Variants in C21orf58 observed in about 807,000 individuals in gnomAD.
C21orf58 encodes the protein uncharacterized protein C21orf58.
A neutral mutation model predicts 35.8 loss-of-function variants in C21orf58; 34 were observed. The observed-to-expected ratio is 0.95, with a 90% CI of 0.72 to 1.26. The LOEUF (loss-of-function observed/expected upper bound fraction) is 1.26, where lower values mean the gene tolerates loss of function less well. Among genes scored for constraint, C21orf58 ranks in the 50% most tolerant of loss-of-function variants. The probability of loss-of-function intolerance (pLI) is 0.00; values close to 1 mark genes in which losing one functional copy is unlikely to be tolerated. For synonymous variants in C21orf58, 191 were observed against 175.8 expected (o/e 1.09, Z -0.68); for missense variants, 440 against 414.3 (o/e 1.06, Z -0.54).
intron 6 of C21orf58, 116 bp from the exon 7 acceptor site, chr21:46,302,692 G>A (rs1274155049): frequency 1.2e-5 from 10 of 834,552 alleles, no homozygotes; most frequent in South Asian, 3.3e-5. Flanking sequence ...GCAGGTCCCC[G>A]GGGCAGGCTC....
At chr21:46,305,867 G>C (rs1403350150) in intron 6 of C21orf58, among the ~76,000 whole-genome samples, 1 of 152,136 alleles carries the variant, frequency 6.6e-6, no homozygotes, top group South Asian at 2.1e-4. Context: ...GCGTGAACCT[G>C]GGGGGCAGAG....
chr21:46,321,176 A>AT (rs939967555), intron 1 of C21orf58, among the ~76,000 whole-genome samples: 1 of 151,768 alleles, frequency 6.6e-6, no homozygotes, highest in Non-Finnish European at 1.5e-5. Flanking sequence ...ATATATATAT[A>AT]TATTTTTTTT....
In C21orf58 at chr21:46,323,770, A is replaced by G. The variant is rs2146171967; in HGVS notation, c.-1032T>C. On this transcript the variant is annotated 5_prime_UTR_variant, in exon 1 of 8. Transcript: ENST00000291691. ...GGCCCTGTCCGGGTGGTTGCTGAGC[A>G]CCGTTCGGCGCCGCCCGCGCCTGCA... 1 of 288,212 alleles carries G rather than the reference A, an allele frequency of 3.5e-6. No homozygotes were observed. The highest frequency in any genetic ancestry group is 6.7e-6 in the Non-Finnish European group (1 of 148,366). 17.9% of individuals were successfully genotyped at this position (288,212 alleles called of 1,614,324 possible).
intron 5 of C21orf58, among the ~76,000 whole-genome samples, chr21:46,314,329 C>T (rs1040526681): frequency 3.9e-5 from 6 of 152,234 alleles, no homozygotes; most frequent in East Asian, 3.9e-4. Context: ...CCGCCCGCCT[C>T]GGCCTCCCAA....
intron 6 of C21orf58, among the ~76,000 whole-genome samples, chr21:46,302,970 C>T (rs946833613): frequency 3.3e-5 from 5 of 151,148 alleles, no homozygotes; most frequent in African/African-American, 1.2e-4. Context: ...GTACACGGTG[C>T]GGGTCCCCGG....
At position 46,302,427 on chromosome 21, in the gene C21orf58, G is replaced by T. The variant is rs116302584; in HGVS notation, c.813+58C>A. 1.6e-3 allele frequency: 2,219 copies of T among 1,396,176 alleles called. 31 individuals carry two copies. The African/African-American group carries it at 0.025, about 15-fold the overall frequency. The allele number at this position is 1,396,176 out of a possible 1,614,324, so 86.5% of individuals were successfully genotyped here. ...TACACAGATGCAGAAATTTCCAGAA[G>T]AAAAACCACCCAGGCCCTGTTTCCT... On this transcript the variant is annotated intron_variant, in intron 7 of 7. Transcript: ENST00000291691.
At chr21:46,300,772 C>A (rs1432609309), downstream of C21orf58, 3 of 1,289,172 alleles carry the variant, frequency 2.3e-6, no homozygotes, top group African/African-American at 1.5e-5. Flanking sequence ...TTGTGCGGAA[C>A]TTCAGGAATG....
intron 6 of C21orf58, among the ~76,000 whole-genome samples, chr21:46,305,323 T>A (rs1197376158): frequency 6.7e-6 from 1 of 149,058 alleles, no homozygotes; most frequent in Non-Finnish European, 1.5e-5. Context: ...AATCACAAAT[T>A]AATCTTTTTT....
At chr21:46,322,517 C>T in intron 1 of C21orf58, 122 bp downstream of exon 1, 1 of 1,303,114 alleles carries the variant, frequency 7.7e-7, no homozygotes, top group Non-Finnish European at 9.8e-7. Context: ...TGGGTGCAGC[C>T]CCTGCTCGCT....
At chr21:46,319,498 C>G (rs2083085819) in intron 1 of C21orf58, among the ~76,000 whole-genome samples, 1 of 152,178 alleles carries the variant, frequency 6.6e-6, no homozygotes, top group Non-Finnish European at 1.5e-5. Context: ...GGCGTTGGCT[C>G]ACGCCTGTAA....
At chr21:46,318,520 C>T in intron 1 of C21orf58, 2 of 1,294,766 alleles carry the variant, frequency 1.5e-6, no homozygotes, top group Non-Finnish European at 2.0e-6. Context: ...CCTCAGGACC[C>T]AGTCCAGAAG....
chr21:46,309,946 G>A (rs1012484786), intron 6 of C21orf58, among the ~76,000 whole-genome samples: 5 of 151,800 alleles, frequency 3.3e-5, no homozygotes, highest in African/African-American at 7.3e-5. Flanking sequence ...GCAGTGAGCC[G>A]AGATCACGCC....
chr21:46,303,830 C>T (rs556591313), intron 6 of C21orf58, among the ~76,000 whole-genome samples: 1 of 140,842 alleles, frequency 7.1e-6, no homozygotes, highest in Non-Finnish European at 1.5e-5. Context: ...CGACTCACTG[C>T]AAGCTCCGCC....
chr21:46,308,227 C>T (rs2082511393), intron 6 of C21orf58, among the ~76,000 whole-genome samples: 1 of 152,086 alleles, frequency 6.6e-6, no homozygotes, highest in Admixed American at 6.5e-5. Context: ...CTTTGGGAGG[C>T]CGAAGGGGGC....
downstream of C21orf58, chr21:46,300,569 A>C (rs1601616424): frequency 9.8e-7 from 1 of 1,015,602 alleles, no homozygotes; most frequent in East Asian, 6.8e-5. Flanking sequence ...AGAGGCACGA[A>C]AAGATGGTTC....
chr21:46,318,388 C>T, intron 1 of C21orf58, 168 bp from the exon 2 acceptor site: 1 of 1,440,650 alleles, frequency 6.9e-7, no homozygotes, highest in Non-Finnish European at 9.1e-7. Context: ...GGTAAACACT[C>T]ATCCCCAGGT....
rs2146173344 is a variant in C21orf58, at chr21:46,323,833, A to T, written c.-1095T>A. On this transcript the variant is annotated 5_prime_UTR_variant, in exon 1 of 8. Coordinates refer to ENST00000291691, the MANE Select transcript of C21orf58 (RefSeq NM_058180.5). Reference sequence around the variant, plus strand: ...CGCTGTCCTGGTGGACACAAAGCCCAGGGGCCGCCCGCGCGGGACCAGCAG... The same window carrying T: ...CGCTGTCCTGGTGGACACAAAGCCCTGGGGCCGCCCGCGCGGGACCAGCAG... 2.8e-6 allele frequency: 1 copy of T among 359,660 alleles called. No homozygotes were observed. The allele number at this position is 359,660 out of a possible 1,614,324, so 22.3% of individuals were successfully genotyped here. A position where few individuals can be genotyped will look rare whatever the true frequency, so the allele number is the denominator to read the frequency against.
At position 46,318,798 on chromosome 21, in the gene C21orf58, G is replaced by A. The variant is rs1181249991; in HGVS notation, c.101-578C>T. 11 of 986,234 alleles carry A rather than the reference G, an allele frequency of 1.1e-5. No individual in the cohort carries two copies. The African/African-American group carries it at 1.4e-4, about 13-fold the overall frequency. The allele number at this position is 986,234 out of a possible 1,614,324, so 61.1% of individuals were successfully genotyped here. ...GATATGTCCCACCTTGGGGCTGGGGGCACTGGGCAGGGAGTCAAGTTTGCA... is the reference window on the plus strand; with the variant it reads ...GATATGTCCCACCTTGGGGCTGGGGACACTGGGCAGGGAGTCAAGTTTGCA... On this transcript the variant is annotated intron_variant, in intron 1 of 7. Transcript: ENST00000291691.
chr21:46,315,172 G>A (rs148729547), intron 4 of C21orf58: 11 of 682,222 alleles, frequency 1.6e-5, no homozygotes, highest in African/African-American at 1.3e-4. Flanking sequence ...CTAGAAAAGC[G>A]GCCCCACCTC....
Sources: allele counts gnomAD v4.1 joint callset (sites outside exome capture counted in the v4.1 genomes callset), GRCh38; gene constraint gnomAD v4.1.1; transcripts MANE v1.5; gene names NCBI Gene and HGNC (gene_info 2026-07-23, HGNC 2026-07-21).